Variants in NSUN2 observed in about 807,000 individuals in gnomAD.
NSUN2 encodes the protein NOP2/Sun RNA methyltransferase 2.
Under a neutral mutation model 92.7 loss-of-function variants are expected in NSUN2, and 63 were observed. The observed-to-expected ratio is 0.68, with a 90% confidence interval of 0.56 to 0.84. The LOEUF is 0.84. NSUN2 is among the 40% of genes least tolerant of loss of function. The probability of loss-of-function intolerance (pLI) is 0.00; values close to 1 mark genes in which losing one functional copy is unlikely to be tolerated. For missense variants in NSUN2, 989 were observed against 964.9 expected (o/e 1.02, Z -0.33); for synonymous variants, 356 against 348.3 (o/e 1.02, Z -0.25).
chr5:6,619,382 T>G (rs1011774576), intron 7 of NSUN2, among the ~76,000 whole-genome samples: 29 of 152,194 alleles, frequency 1.9e-4, no homozygotes, highest in African/African-American at 6.8e-4. Context: ...TGCTAACAAG[T>G]TTTGTGGCAG....
intron 16 of NSUN2, 45 bp from the exon 17 acceptor site, chr5:6,604,321 T>C: frequency 6.5e-7 from 1 of 1,536,998 alleles, no homozygotes; most frequent in Non-Finnish European, 8.9e-7. Context: ...ATGATGTCAT[T>C]CATGAACGAC....
At chr5:6,629,941 G>A (rs1400008280) in intron 3 of NSUN2, among the ~76,000 whole-genome samples, 1 of 152,170 alleles carries the variant, frequency 6.6e-6, no homozygotes, top group Non-Finnish European at 1.5e-5. Flanking sequence ...GGAAATGTGA[G>A]TCAATTAAGC....
Position 6,632,485 on chromosome 5 carries a change from C to A in NSUN2, c.254+114G>T, listed in dbSNP as rs564843342. Reference sequence around the variant, plus strand: ...ACCTCAATGCTTCCTGAATCCAAACCGCTGAAACGCCACGGTTCTCTGGCA... The same window carrying A: ...ACCTCAATGCTTCCTGAATCCAAACAGCTGAAACGCCACGGTTCTCTGGCA... On this transcript the variant is annotated intron_variant, in intron 2 of 18. Transcript: ENST00000264670. The A allele has an allele frequency of 1.1e-3, 1,389 of 1,271,750 alleles. 2 individuals are homozygous for A. Among genetic ancestry groups the A allele is most frequent in the Admixed American group, 2.6e-3 (122 of 47,440 alleles). The allele number at this position is 1,271,750 out of a possible 1,614,324, so 78.8% of individuals were successfully genotyped here. A position where few individuals can be genotyped will look rare whatever the true frequency, so the allele number is the denominator to read the frequency against.
At chr5:6,607,715 T>G (rs958340269) in intron 12 of NSUN2, among the ~76,000 whole-genome samples, 1 of 152,138 alleles carries the variant, frequency 6.6e-6, no homozygotes, top group African/African-American at 2.4e-5. Flanking sequence ...TAAGGCACAC[T>G]GAAGGACACA....
At chr5:6,616,879 C>CT in intron 8 of NSUN2, 22 bp from the exon 9 acceptor site, 1 of 1,607,338 alleles carries the variant, frequency 6.2e-7, no homozygotes, top group East Asian at 2.2e-5. Context: ...TATCAGATGA[C>CT]TGCAAGGCCA....
rs748012887 is a variant in NSUN2, at chr5:6,600,093, CCTT to C, written c.2134_2136del (p.Lys712del). 25 of 1,614,124 alleles carry C rather than the reference CCTT, an allele frequency of 1.5e-5. No individual in the cohort carries two copies. Among genetic ancestry groups the C allele is most frequent in the Admixed American group, 6.7e-5 (4 of 60,014 alleles). ...CTCTCATTTGTGAGGATAACCCCTT[CCTT>C]CTTCTTTTCTCCCAATACCTCCAGC... On this transcript the variant is annotated inframe_deletion, in exon 19 of 19. Coordinates refer to ENST00000264670, the MANE Select transcript of NSUN2 (RefSeq NM_017755.6).
chr5:6,614,111 A>AC (rs1737116127), intron 9 of NSUN2, among the ~76,000 whole-genome samples: 2 of 90,964 alleles, frequency 2.2e-5, no homozygotes, highest in South Asian at 3.5e-4. Context: ...AAAAAAAAAA[A>AC]AAAAAAAAAA....
At chr5:6,629,480 T>A (rs538696571) in intron 3 of NSUN2, among the ~76,000 whole-genome samples, 1 of 152,308 alleles carries the variant, frequency 6.6e-6, no homozygotes, top group East Asian at 1.9e-4. Flanking sequence ...GCTGAAACGT[T>A]CCTCCTGGAC....
chr5:6,632,050 G>T, intron 2 of NSUN2, 73 bp from the exon 3 acceptor site: 1 of 1,225,102 alleles, frequency 8.2e-7, no homozygotes, highest in Non-Finnish European at 1.2e-6. Context: ...TTAAATTTAA[G>T]ACTGCAAGTG....
intron 3 of NSUN2, among the ~76,000 whole-genome samples, chr5:6,627,402 T>C (rs1737692912): frequency 6.6e-6 from 1 of 152,202 alleles, no homozygotes; most frequent in South Asian, 2.1e-4. Context: ...TGTAAGTTAT[T>C]GCCTTACCAA....
At chr5:6,604,554 C>G (rs1172903940) in intron 16 of NSUN2, 51 bp downstream of exon 16, 1 of 1,526,880 alleles carries the variant, frequency 6.5e-7, no homozygotes, top group Admixed American at 1.7e-5. Flanking sequence ...CTACTCCCGA[C>G]TGCTTCAGTC....
Position 6,621,931 on chromosome 5 carries a change from T to C in NSUN2, c.622+85A>G, listed in dbSNP as rs182019491. On this transcript the variant is annotated intron_variant, in intron 6 of 18. Transcript: ENST00000264670. ...GTCATAGGAGACTTTAGAGCCAAAT[T>C]AGCAGGCAAAGTTAGAGTCTTTTCC... The C allele has an allele frequency of 1.4e-5, 16 of 1,182,756 alleles. No individual in the cohort carries two copies. The Admixed American group carries it at 2.2e-4, about 16-fold the overall frequency. 73.3% of individuals were successfully genotyped at this position (1,182,756 alleles called of 1,614,324 possible). A position where few individuals can be genotyped will look rare whatever the true frequency, so the allele number is the denominator to read the frequency against.
At chr5:6,631,608 C>T (rs1395991537) in intron 3 of NSUN2, among the ~76,000 whole-genome samples, 5 of 152,256 alleles carry the variant, frequency 3.3e-5, no homozygotes, top group Admixed American at 2.0e-4. Flanking sequence ...AGGGAGCTGG[C>T]GGAAGTGGTG....
intron 11 of NSUN2, among the ~76,000 whole-genome samples, chr5:6,610,372 C>G (rs1736937996): frequency 6.6e-6 from 1 of 152,044 alleles, no homozygotes; most frequent in Admixed American, 6.5e-5. Flanking sequence ...GCCACTGCAC[C>G]TGGCCCACTT....
chr5:6,600,762 A>C (rs1040244252), intron 18 of NSUN2, among the ~76,000 whole-genome samples: 1 of 151,970 alleles, frequency 6.6e-6, no homozygotes, highest in African/African-American at 2.4e-5. Context: ...CATCCTTTTG[A>C]TACTCAGTGT....
At chr5:6,602,424 G>C (rs1246616172) in intron 18 of NSUN2, 37 bp downstream of exon 18, 12 of 1,598,416 alleles carry the variant, frequency 7.5e-6, no homozygotes, top group South Asian at 4.4e-5. Context: ...TAATGACAAG[G>C]CGTGTGTGTC....
In NSUN2 at chr5:6,609,854, G is replaced by T; in HGVS notation, c.1295C>A (p.Ser432Ter). Residue 432 changes from serine (S) to a stop codon, truncating the protein, a stop_gained, in exon 12 of 19, where the codon TCA (serine) becomes TAA (stop). Transcript: ENST00000264670. LOFTEE classifies it high-confidence loss of function. ...TGGCTGACGTTTATTCCACGGCATT[G>T]AAGATTTTTTCACCAATACTGCCAC... ...FFVAVLVKKS[S>*]MPWNKRQPKL... The T allele has an allele frequency of 6.2e-7, 1 of 1,613,744 alleles. No homozygotes were observed.
intron 7 of NSUN2, 59 bp downstream of exon 7, chr5:6,620,047 T>A: frequency 7.4e-7 from 1 of 1,343,548 alleles, no homozygotes; most frequent in South Asian, 1.5e-5. Flanking sequence ...TTCATTTTAG[T>A]CTCTATTTGA....
chr5:6,629,949 A>G (rs1737808689), intron 3 of NSUN2, among the ~76,000 whole-genome samples: 1 of 152,196 alleles, frequency 6.6e-6, no homozygotes, highest in Non-Finnish European at 1.5e-5. Context: ...GAGTCAATTA[A>G]GCCTATTTCC....
Sources: allele counts gnomAD v4.1 joint callset (sites outside exome capture counted in the v4.1 genomes callset), GRCh38; gene constraint gnomAD v4.1.1; transcripts MANE v1.5; gene names NCBI Gene and HGNC (gene_info 2026-07-23, HGNC 2026-07-21).